The following GRID1 variants were observed in gnomAD, a reference collection of about 807,000 sequenced individuals.
GRID1 encodes the protein glutamate receptor ionotropic, delta-1.
Under a neutral mutation model 98.0 loss-of-function variants are expected in GRID1, and 28 were observed. That is an observed-to-expected ratio of 0.29 (90% CI 0.21 to 0.39). The LOEUF (loss-of-function observed/expected upper bound fraction) is 0.39. Ranked by LOEUF, GRID1 falls within the 10% of genes least tolerant of loss-of-function variation. The pLI, the probability that GRID1 is intolerant of heterozygous loss-of-function variation, is 1.00. For missense variants in GRID1, 1,111 were observed against 1,340.5 expected (o/e 0.83, Z 2.67); for synonymous variants, 553 against 538.5 (o/e 1.03, Z -0.37).
chr10:85,816,696 C>A (rs564890915), intron 8 of GRID1, among the ~76,000 whole-genome samples: 27 of 152,190 alleles, frequency 1.8e-4, no homozygotes, highest in African/African-American at 6.0e-4. Context: ...TTTTTGTTAT[C>A]ATTATTATTT....
chr10:85,874,792 T>TAAA (rs1843311779), intron 5 of GRID1, among the ~76,000 whole-genome samples: 1 of 152,196 alleles, frequency 6.6e-6, no homozygotes, highest in Non-Finnish European at 1.5e-5. Flanking sequence ...TTAGGTCCAT[T>TAAA]AAAAATCTGT....
chr10:86,128,194 G>A (rs1204234182), intron 4 of GRID1, among the ~76,000 whole-genome samples: 1 of 152,128 alleles, frequency 6.6e-6, no homozygotes, highest in South Asian at 2.1e-4. Flanking sequence ...AGAATGGGCA[G>A]AATGGGTGTG....
Position 85,822,512 on chromosome 10 carries a change from G to A in GRID1, c.1233+31984C>T, listed in dbSNP as rs1842782193. 8.5e-5 allele frequency among the ~76,000 whole-genome samples: 13 copies of A among 152,262 alleles called. No individual in the cohort carries two copies. The South Asian group carries it at 2.7e-3, about 32-fold the overall frequency. ...GATACCATCTCACACCAGTTAGAAT[G>A]GCAATCATTAAAAAGTCAGGAAACA... is the stretch of plus-strand genomic sequence containing the variant. On this transcript the variant is annotated intron_variant, in intron 8 of 15. Transcript: ENST00000327946.
intron 4 of GRID1, among the ~76,000 whole-genome samples, chr10:86,045,306 T>C (rs1265267504): frequency 6.6e-6 from 1 of 152,200 alleles, no homozygotes; most frequent in Non-Finnish European, 1.5e-5. Context: ...TTGCAACCAC[T>C]GCAGTGGCTT....
chr10:86,043,675 C>A (rs1217142518), intron 4 of GRID1, among the ~76,000 whole-genome samples: 1 of 152,222 alleles, frequency 6.6e-6, no homozygotes, highest in Non-Finnish European at 1.5e-5. Context: ...AAAACCGCTC[C>A]GGAACTGTAC....
At position 85,853,019 on chromosome 10, in the gene GRID1, C is replaced by T. The variant is rs945137971; in HGVS notation, c.1233+1477G>A. Among the ~76,000 whole-genome samples the T allele has an allele frequency of 2.0e-5, 3 of 152,302 alleles. No homozygotes were observed. In the South Asian group the frequency reaches 6.2e-4, roughly 32 times the overall value. Reference sequence around the variant, plus strand: ...TTATTTATATGACCAATCCATGACTCTCTCCTCCATCAGAGTGGGCTAAAA... The same window carrying T: ...TTATTTATATGACCAATCCATGACTTTCTCCTCCATCAGAGTGGGCTAAAA... On this transcript the variant is annotated intron_variant, in intron 8 of 15. Coordinates refer to ENST00000327946, the MANE Select transcript of GRID1 (RefSeq NM_017551.3).
intron 4 of GRID1, among the ~76,000 whole-genome samples, chr10:86,095,328 A>C (rs1403525081): frequency 6.6e-6 from 1 of 152,214 alleles, no homozygotes; most frequent in East Asian, 1.9e-4. Context: ...AAAAAAGCAA[A>C]TGCAATAAAA....
At chr10:85,841,747 A>G (rs1263953259) in intron 8 of GRID1, among the ~76,000 whole-genome samples, 3 of 152,202 alleles carry the variant, frequency 2.0e-5, no homozygotes, top group Admixed American at 1.3e-4. Context: ...ACTGATCATT[A>G]AAGAAATGCA....
At chr10:86,312,529 G>T (rs1393297937) in intron 2 of GRID1, among the ~76,000 whole-genome samples, 2 of 152,226 alleles carry the variant, frequency 1.3e-5, no homozygotes, top group Non-Finnish European at 2.9e-5. Context: ...AGTCCATGGA[G>T]AGGCCCATCT....
intron 2 of GRID1, among the ~76,000 whole-genome samples, chr10:86,260,442 C>T (rs544939070): frequency 6.6e-6 from 1 of 152,210 alleles, no homozygotes; most frequent in Non-Finnish European, 1.5e-5. Context: ...GCTCCCACCA[C>T]CCCAACCATG....
At chr10:85,978,088 A>G (rs1253499878) in intron 4 of GRID1, among the ~76,000 whole-genome samples, 1 of 152,188 alleles carries the variant, frequency 6.6e-6, no homozygotes, top group African/African-American at 2.4e-5. Flanking sequence ...TTATCCTTAT[A>G]GTTCTTGCTT....
intron 8 of GRID1, among the ~76,000 whole-genome samples, chr10:85,777,363 T>C (rs183592527): frequency 6.6e-6 from 1 of 152,330 alleles, no homozygotes; most frequent in African/African-American, 2.4e-5. Context: ...TCATATCTTC[T>C]AGGAGTCCCC....
At chr10:85,976,559 G>A (rs1842475761) in intron 4 of GRID1, among the ~76,000 whole-genome samples, 1 of 152,232 alleles carries the variant, frequency 6.6e-6, no homozygotes, top group South Asian at 2.1e-4. Context: ...CCTTGTCTTA[G>A]AAAACCTGAC....
chr10:86,155,229 C>T (rs1227396329), intron 3 of GRID1, among the ~76,000 whole-genome samples: 1 of 152,210 alleles, frequency 6.6e-6, no homozygotes, highest in African/African-American at 2.4e-5. Flanking sequence ...CTCTGGTGGC[C>T]CTGGGTCTGT....
At chr10:85,922,096 C>T (rs771163549) in intron 4 of GRID1, among the ~76,000 whole-genome samples, 1 of 152,200 alleles carries the variant, frequency 6.6e-6, no homozygotes, top group Non-Finnish European at 1.5e-5. Context: ...AGCCTGTGTT[C>T]TTTCCTTTGG....
chr10:85,658,385 C>A (rs1191659828), intron 12 of GRID1, among the ~76,000 whole-genome samples: 1 of 152,208 alleles, frequency 6.6e-6, no homozygotes, highest in Non-Finnish European at 1.5e-5. Context: ...ATAGCCCCTT[C>A]ATAAAGTTAT....
At chr10:86,294,960 G>A (rs533884223) in intron 2 of GRID1, among the ~76,000 whole-genome samples, 1 of 152,298 alleles carries the variant, frequency 6.6e-6, no homozygotes, top group East Asian at 1.9e-4. Context: ...GGGGAACAGT[G>A]GGGGCGGGAC....
intron 2 of GRID1, among the ~76,000 whole-genome samples, chr10:86,270,386 A>G (rs1261601965): frequency 6.6e-6 from 1 of 151,932 alleles, no homozygotes; most frequent in East Asian, 1.9e-4. Context: ...AGATACAACT[A>G]TTTAAAAAAT....
At chr10:86,051,243 A>C (rs992962933) in intron 4 of GRID1, among the ~76,000 whole-genome samples, 6 of 151,636 alleles carry the variant, frequency 4.0e-5, no homozygotes, top group Admixed American at 3.3e-4. Flanking sequence ...ATACTATAAA[A>C]TAACAATGAA....
Sources: allele counts gnomAD v4.1 joint callset (sites outside exome capture counted in the v4.1 genomes callset), GRCh38; gene constraint gnomAD v4.1.1; transcripts MANE v1.5; gene names NCBI Gene and HGNC (gene_info 2026-07-23, HGNC 2026-07-21).